Variants in ZNF804B observed in about 807,000 individuals in gnomAD.
The protein encoded by ZNF804B is zinc finger protein 804B.
ZNF804B carries 80 observed loss-of-function variants against 101.4 expected under a neutral mutation model. The observed-to-expected ratio is 0.79, with a 90% CI of 0.66 to 0.95. The LOEUF (loss-of-function observed/expected upper bound fraction) is 0.95. Among genes scored for constraint, ZNF804B ranks in the 40% least tolerant of loss-of-function variants. The pLI is 0.00. For missense variants in ZNF804B, 1,673 were observed against 1,561.9 expected, an observed-to-expected ratio of 1.07 and a Z score of -1.20; for synonymous variants, 622 against 558.8, an observed-to-expected ratio of 1.11 and a Z score of -1.59.
At position 89,335,569 on chromosome 7, in the gene ZNF804B, T is replaced by G. The variant is rs1562744528; in HGVS notation, c.2587T>G (p.Tyr863Asp). Residue 863 changes from tyrosine (Y) to aspartate (D), a missense_variant, in exon 4 of 4, where the codon TAT becomes GAT. By Grantham distance (160) the Tyr-to-Asp change is radical. Coordinates refer to ENST00000333190, the MANE Select transcript of ZNF804B (RefSeq NM_181646.5). ...RLDSYSIEKM[Y>D]YLNKSKRNQE... is the part of the protein sequence containing the mutation. ...GGACTCTTACTCAATAGAGAAAATG[T>G]ATTACTTGAATAAAAGCAAGAGAAA... 6.2e-7 allele frequency: 1 copy of G among 1,613,956 alleles called. No homozygotes were observed. Among genetic ancestry groups the G allele is most frequent in the Non-Finnish European group, 8.5e-7 (1 of 1,179,940 alleles).
At chr7:88,926,562 C>T (rs1002518350) in intron 1 of ZNF804B, among the ~76,000 whole-genome samples, 19 of 151,958 alleles carry the variant, frequency 1.3e-4, no homozygotes, top group Admixed American at 4.6e-4. Context: ...GAGCCGAGAT[C>T]ACGCCATAGC....
intron 1 of ZNF804B, among the ~76,000 whole-genome samples, chr7:88,974,082 C>T (rs915947278): frequency 6.6e-6 from 1 of 151,236 alleles, no homozygotes; most frequent in Non-Finnish European, 1.5e-5. Context: ...CATAGTCATT[C>T]CTCCTATAGG....
chr7:88,845,899 T>C (rs1791366313), intron 1 of ZNF804B, among the ~76,000 whole-genome samples: 1 of 151,992 alleles, frequency 6.6e-6, no homozygotes, highest in African/African-American at 2.4e-5. Flanking sequence ...ATTTGTTTAA[T>C]GGATAAAAAA....
intron 1 of ZNF804B, among the ~76,000 whole-genome samples, chr7:88,762,959 T>G (rs10216098): frequency 0.023 from 3,441 of 152,260 alleles, 123 homozygotes; most frequent in African/African-American, 0.079. Context: ...GGTCTTAATA[T>G]TCAATAAAAC....
intron 1 of ZNF804B, among the ~76,000 whole-genome samples, chr7:89,179,721 T>C (rs745372775): frequency 6.6e-5 from 10 of 152,220 alleles, no homozygotes; most frequent in Non-Finnish European, 1.5e-4. Flanking sequence ...TGTGTGGGCA[T>C]TGACGACTTA....
At chr7:88,924,361 A>G (rs191367163) in intron 1 of ZNF804B, among the ~76,000 whole-genome samples, 4 of 152,148 alleles carry the variant, frequency 2.6e-5, no homozygotes, top group Admixed American at 2.6e-4. Context: ...TCTTTGACAT[A>G]TTAGGTTTCC....
intron 3 of ZNF804B, among the ~76,000 whole-genome samples, chr7:89,328,260 A>AT (rs1790926949): frequency 6.6e-6 from 1 of 151,962 alleles, no homozygotes; most frequent in Admixed American, 6.6e-5. Flanking sequence ...TTACCACAAA[A>AT]TATTAGACTT....
intron 1 of ZNF804B, among the ~76,000 whole-genome samples, chr7:88,914,637 A>G (rs1254382552): frequency 6.6e-6 from 1 of 152,210 alleles, no homozygotes; most frequent in Non-Finnish European, 1.5e-5. Context: ...CTAATACAGT[A>G]TATGTTTCAA....
chr7:89,310,106 A>G (rs1790629213), intron 2 of ZNF804B, among the ~76,000 whole-genome samples: 1 of 150,432 alleles, frequency 6.6e-6, no homozygotes, highest in Non-Finnish European at 1.5e-5. Flanking sequence ...AAAAAGAGTC[A>G]GCTTTTGCTC....
chr7:88,906,221 T>TC (rs755366005), intron 1 of ZNF804B, among the ~76,000 whole-genome samples: 2 of 152,172 alleles, frequency 1.3e-5, no homozygotes, highest in African/African-American at 2.4e-5. Flanking sequence ...ACTGTTGATT[T>TC]CACTGATGTT....
chr7:88,853,837 A>G (rs968749896), intron 1 of ZNF804B, among the ~76,000 whole-genome samples: 4 of 152,112 alleles, frequency 2.6e-5, no homozygotes, highest in African/African-American at 9.7e-5. Context: ...TTGAAAATAG[A>G]TTATGCTTAC....
intron 1 of ZNF804B, among the ~76,000 whole-genome samples, chr7:88,878,221 G>T (rs1253970724): frequency 6.6e-6 from 1 of 152,042 alleles, no homozygotes; most frequent in Non-Finnish European, 1.5e-5. Context: ...CCTTTTTTAT[G>T]ACAAGGGTTT....
intron 1 of ZNF804B, among the ~76,000 whole-genome samples, chr7:89,210,206 A>T (rs143060528): frequency 7.8e-4 from 119 of 152,194 alleles, no homozygotes; most frequent in Admixed American, 1.2e-3. Flanking sequence ...AGTAATATTA[A>T]TGTTAATTAA....
At chr7:89,108,990 T>A (rs942723721) in intron 1 of ZNF804B, among the ~76,000 whole-genome samples, 1 of 152,136 alleles carries the variant, frequency 6.6e-6, no homozygotes, top group South Asian at 2.1e-4. Context: ...GTGTCATTAG[T>A]ATTGGAGGGG....
intron 1 of ZNF804B, among the ~76,000 whole-genome samples, chr7:88,825,850 C>T (rs1791044173): frequency 6.6e-6 from 1 of 152,162 alleles, no homozygotes; most frequent in Non-Finnish European, 1.5e-5. Context: ...CCGTGTGACT[C>T]AGTTTCCTCT....
intron 1 of ZNF804B, among the ~76,000 whole-genome samples, chr7:88,947,014 A>G (rs2116058824): frequency 6.6e-6 from 1 of 152,166 alleles, no homozygotes; most frequent in Non-Finnish European, 1.5e-5. Flanking sequence ...GTCAGGAAGC[A>G]ACAGATGCTG....
intron 2 of ZNF804B, among the ~76,000 whole-genome samples, chr7:89,260,250 A>G (rs1312228692): frequency 6.6e-6 from 1 of 152,170 alleles, no homozygotes; most frequent in Non-Finnish European, 1.5e-5. Context: ...AATAAACCCA[A>G]GTGCATTTAC....
chr7:88,899,509 C>G (rs1767944938), intron 1 of ZNF804B, among the ~76,000 whole-genome samples: 1 of 152,156 alleles, frequency 6.6e-6, no homozygotes, highest in South Asian at 2.1e-4. Flanking sequence ...TCAAGTTTGC[C>G]TCACCTCTCA....
chr7:89,238,322 G>A (rs558631195), intron 2 of ZNF804B, among the ~76,000 whole-genome samples: 2 of 152,232 alleles, frequency 1.3e-5, no homozygotes, highest in African/African-American at 4.8e-5. Context: ...TACATCTGAT[G>A]AACATCATCC....
Sources: allele counts gnomAD v4.1 joint callset (sites outside exome capture counted in the v4.1 genomes callset), GRCh38; gene constraint gnomAD v4.1.1; transcripts MANE v1.5; gene names NCBI Gene and HGNC (gene_info 2026-07-23, HGNC 2026-07-21).